The following KPNA1 variants were observed in gnomAD, a reference collection of about 807,000 sequenced individuals.
The protein encoded by KPNA1 is karyopherin subunit alpha 1.
In KPNA1, 10 loss-of-function variants were observed where a neutral mutation model predicts 70.5. The observed-to-expected ratio is 0.14, with a 90% CI of 0.09 to 0.24. The LOEUF (loss-of-function observed/expected upper bound fraction) is 0.24, where lower values mean the gene tolerates loss of function less well. Ranked by LOEUF, KPNA1 falls within the 10% of genes least tolerant of loss-of-function variation. The pLI is 1.00. For missense variants in KPNA1, 397 were observed against 637.9 expected, an observed-to-expected ratio of 0.62 and a Z score of 4.07; for synonymous variants, 192 against 221.9, an observed-to-expected ratio of 0.87 and a Z score of 1.20.
chr3:122,441,731 C>G (rs1428092597), intron 10 of KPNA1, among the ~76,000 whole-genome samples: 1 of 152,058 alleles, frequency 6.6e-6, no homozygotes, highest in Admixed American at 6.6e-5. Context: ...CTCCAAGTAG[C>G]TGGAACTACA....
In KPNA1 at chr3:122,424,919, A is replaced by G. The variant is rs1186995552; in HGVS notation, c.*2066T>C. The G allele has an allele frequency of 1.3e-5, 2 of 152,672 alleles. No individual in the cohort carries two copies. Among genetic ancestry groups the G allele is most frequent in the Non-Finnish European group, 2.9e-5 (2 of 68,046 alleles). 9.5% of individuals were successfully genotyped at this position (152,672 alleles called of 1,614,324 possible). The stretch of plus-strand genomic sequence containing the variant: ...AATGTGATGTAAAGGCAACATTGAA[A>G]TTTCTTCTTTAAATTAACCACCTAA... On this transcript the variant is annotated 3_prime_UTR_variant, in exon 14 of 14. Coordinates refer to ENST00000344337, the MANE Select transcript of KPNA1 (RefSeq NM_002264.4).
At chr3:122,457,426 G>C (rs1372382214) in intron 5 of KPNA1, among the ~76,000 whole-genome samples, 1 of 152,076 alleles carries the variant, frequency 6.6e-6, no homozygotes, top group East Asian at 1.9e-4. Flanking sequence ...GGTATTGCCT[G>C]AAGTAACAAA....
intron 3 of KPNA1, among the ~76,000 whole-genome samples, chr3:122,467,003 AAAC>A (rs1421181299): frequency 1.6e-4 from 19 of 115,460 alleles, no homozygotes; most frequent in Non-Finnish European, 3.1e-4. Context: ...CCTGTCTCTA[AAAC>A]ATAAATAAAT....
intron 2 of KPNA1, among the ~76,000 whole-genome samples, chr3:122,483,402 C>A (rs1257491113): frequency 6.6e-6 from 1 of 151,958 alleles, no homozygotes; most frequent in African/African-American, 2.4e-5. Flanking sequence ...TGGAGTACAA[C>A]GGTATGGTCT....
In KPNA1 at chr3:122,427,076, T is replaced by C. The variant is rs2075832840; in HGVS notation, c.1526A>G (p.Glu509Gly). The change falls in exon 14 of 14, where the codon GAA (glutamate) becomes GGA (glycine). Residue 509 changes from glutamate to glycine, a missense_variant. Physicochemically the swap from Glu to Gly is moderately conservative, Grantham distance 98. Coordinates refer to ENST00000344337, the MANE Select transcript of KPNA1 (RefSeq NM_002264.4). ...AACCTGGGGTGCAATGCTGCTGTCT[T>C]CATCTTCGGTCCCGAAGTAATGCTC... is the stretch of plus-strand genomic sequence containing the variant. The part of the protein sequence containing the change: ...LIEHYFGTED[E>G]DSSIAPQVDL... 5 of 1,614,164 alleles carry C rather than the reference T, an allele frequency of 3.1e-6. No homozygotes were observed. The highest frequency in any genetic ancestry group is 4.2e-6 in the Non-Finnish European group (5 of 1,180,006).
chr3:122,456,348 A>C (rs2076264644), intron 5 of KPNA1, among the ~76,000 whole-genome samples: 2 of 152,166 alleles, frequency 1.3e-5, no homozygotes, highest in South Asian at 4.1e-4. Flanking sequence ...ATAAATGAAA[A>C]CTCTAAGGAA....
chr3:122,459,931 C>T, intron 5 of KPNA1: 2 of 985,418 alleles, frequency 2.0e-6, no homozygotes, highest in Non-Finnish European at 2.4e-6. Flanking sequence ...CAGTAAGGAA[C>T]CTGGGGACAG....
intron 9 of KPNA1, among the ~76,000 whole-genome samples, chr3:122,447,170 T>C (rs2076149082): frequency 6.6e-6 from 1 of 152,216 alleles, no homozygotes; most frequent in Non-Finnish European, 1.5e-5. Flanking sequence ...ACTCATTTTA[T>C]GAGGCCAGCA....
intron 6 of KPNA1, 23 bp downstream of exon 6, chr3:122,453,846 TG>T: frequency 6.3e-7 from 1 of 1,582,588 alleles, no homozygotes. Context: ...TTCTTTCACC[TG>T]CTTCTTTTTG....
intron 12 of KPNA1, among the ~76,000 whole-genome samples, chr3:122,431,208 G>A (rs2075901389): frequency 6.6e-6 from 1 of 152,040 alleles, no homozygotes; most frequent in Non-Finnish European, 1.5e-5. Flanking sequence ...GTCTCCGAGG[G>A]TGGAGTGCAG....
chr3:122,494,545 A>G (rs1465744719), intron 2 of KPNA1, among the ~76,000 whole-genome samples: 3 of 152,196 alleles, frequency 2.0e-5, no homozygotes, highest in African/African-American at 7.2e-5. Flanking sequence ...ACCTTGTAGT[A>G]TAATTTTACA....
At chr3:122,474,437 A>T (rs1335144835) in intron 2 of KPNA1, among the ~76,000 whole-genome samples, 1 of 152,180 alleles carries the variant, frequency 6.6e-6, no homozygotes, top group East Asian at 1.9e-4. Flanking sequence ...CAACTTCAAG[A>T]TTTATCGTAA....
chr3:122,453,922 A>G lies in KPNA1; in HGVS notation c.512T>C (p.Val171Ala). 6.2e-7 allele frequency: 1 copy of G among 1,613,514 alleles called. No individual in the cohort carries two copies. The highest frequency in any genetic ancestry group is 8.5e-7 in the Non-Finnish European group (1 of 1,179,556). The change falls in exon 6 of 14, where the codon GTG (valine) becomes GCG (alanine). Residue 171 changes from valine to alanine, a missense_variant. Physicochemically the swap from Val to Ala is moderately conservative, Grantham distance 64. Coordinates refer to ENST00000344337, the MANE Select transcript of KPNA1 (RefSeq NM_002264.4). ...GCTGAGCAACTCTATGAAGATGGGC[A>G]CAGCTCCTGCCTGAATCACAATTCG... ...QTRIVIQAGA[V>A]PIFIELLSSE...
intron 5 of KPNA1, among the ~76,000 whole-genome samples, chr3:122,459,114 G>A (rs1436223798): frequency 6.6e-6 from 1 of 152,148 alleles, no homozygotes; most frequent in Admixed American, 6.5e-5. Context: ...CTTCAGATGT[G>A]TTAAAATACA....
chr3:122,458,720 G>C (rs1180175145), intron 5 of KPNA1, among the ~76,000 whole-genome samples: 1 of 152,176 alleles, frequency 6.6e-6, no homozygotes, highest in African/African-American at 2.4e-5. Flanking sequence ...AGAAGGCAGA[G>C]GAAGGAGTAA....
chr3:122,466,221 C>A (rs1297152496), intron 3 of KPNA1, among the ~76,000 whole-genome samples: 1 of 151,064 alleles, frequency 6.6e-6, no homozygotes, highest in Non-Finnish European at 1.5e-5. Flanking sequence ...CTACAAAATA[C>A]TATGAATAGT....
At chr3:122,455,306 ATGAG>A (rs1178213990) in intron 5 of KPNA1, among the ~76,000 whole-genome samples, 2 of 152,324 alleles carry the variant, frequency 1.3e-5, no homozygotes, top group East Asian at 3.9e-4. Flanking sequence ...AGTGACATAC[ATGAG>A]TGAGGTAAGG....
At chr3:122,445,763 A>G (rs1000311783) in intron 9 of KPNA1, among the ~76,000 whole-genome samples, 1 of 152,196 alleles carries the variant, frequency 6.6e-6, no homozygotes, top group East Asian at 1.9e-4. Context: ...AGTGTGCTAT[A>G]TTCAGGAGAC....
chr3:122,479,499 C>A (rs941249456), intron 2 of KPNA1, among the ~76,000 whole-genome samples: 5 of 152,138 alleles, frequency 3.3e-5, no homozygotes, highest in African/African-American at 9.7e-5. Context: ...GTGGCTCATG[C>A]CTGTAATCCC....
Sources: allele counts gnomAD v4.1 joint callset (sites outside exome capture counted in the v4.1 genomes callset), GRCh38; gene constraint gnomAD v4.1.1; transcripts MANE v1.5; gene names NCBI Gene and HGNC (gene_info 2026-07-23, HGNC 2026-07-21).